Variants in CSMD1 observed in about 807,000 individuals in gnomAD.
CSMD1 encodes the protein CUB and Sushi multiple domains 1, also known as CUB and sushi domain-containing protein 1.
A neutral mutation model predicts 417.5 loss-of-function variants in CSMD1; 213 were observed. The ratio of observed to expected loss-of-function variants is 0.51; its 90% CI spans 0.46 to 0.57. CSMD1 has a LOEUF of 0.57. Ranked by LOEUF, CSMD1 falls within the 20% of genes least tolerant of loss-of-function variation. The pLI, the probability that CSMD1 is intolerant of heterozygous loss-of-function variation, is 0.00. For missense variants in CSMD1, 6,923 were observed against 4,529.7 expected, an observed-to-expected ratio of 1.53 and a Z score of -15.17; for synonymous variants, 2,862 against 1,736.8, an observed-to-expected ratio of 1.65 and a Z score of -16.11.
In CSMD1 at chr8:4,724,455, C is replaced by T. The variant is rs551061195; in HGVS notation, c.86-86897G>A. ...ATAACAGATTCAAATATAATATTTA[C>T]ATTACTTATAAGTAGCTGGGAGTTC... On this transcript the variant is annotated intron_variant, in intron 1 of 69. Coordinates refer to ENST00000635120, the MANE Select transcript of CSMD1 (RefSeq NM_033225.6). 1.5e-3 allele frequency among the ~76,000 whole-genome samples: 222 copies of T among 151,470 alleles called. 7 individuals carry two copies. The South Asian group carries it at 0.04, about 27-fold the overall frequency.
In CSMD1 at chr8:2,938,330, T is replaced by G. The variant is rs972198384; in HGVS notation, c.*255A>C. On this transcript the variant is annotated 3_prime_UTR_variant, in exon 70 of 70. Transcript: ENST00000635120. ...GCGCGACGTGGCAGTCTTCCTGGAG[T>G]GTGCCTTGATTTCATACAGATGCAG... The G allele has an allele frequency of 7.2e-6, 3 of 416,084 alleles. No homozygotes were observed. Among genetic ancestry groups the G allele is most frequent in the Non-Finnish European group, 1.3e-5 (3 of 235,144 alleles). 25.8% of individuals were successfully genotyped at this position (416,084 alleles called of 1,614,324 possible).
chr8:3,690,897 A>T (rs904770585), intron 7 of CSMD1, among the ~76,000 whole-genome samples: 2 of 152,244 alleles, frequency 1.3e-5, no homozygotes, highest in African/African-American at 4.8e-5. Context: ...TAAATAAATT[A>T]AATAACAACA....
intron 7 of CSMD1, among the ~76,000 whole-genome samples, chr8:3,619,716 C>A (rs1264204428): frequency 6.6e-6 from 1 of 151,334 alleles, no homozygotes; most frequent in Non-Finnish European, 1.5e-5. Flanking sequence ...AAAGCAAGTC[C>A]TCATAAACAA....
chr8:4,896,943 C>A (rs577059962), intron 1 of CSMD1, among the ~76,000 whole-genome samples: 1 of 152,154 alleles, frequency 6.6e-6, no homozygotes, highest in Non-Finnish European at 1.5e-5. Context: ...CCTGGGCAAA[C>A]CCAAGGAAGG....
At chr8:3,265,141 T>C (rs1324250054) in intron 26 of CSMD1, among the ~76,000 whole-genome samples, 2 of 152,074 alleles carry the variant, frequency 1.3e-5, no homozygotes, top group African/African-American at 2.4e-5. Flanking sequence ...AGCAGAGATA[T>C]TAAAAATATT....
At chr8:3,545,609 G>T (rs777481045) in intron 10 of CSMD1, among the ~76,000 whole-genome samples, 7 of 152,160 alleles carry the variant, frequency 4.6e-5, no homozygotes, top group African/African-American at 1.7e-4. Context: ...GCTCTCCACT[G>T]CCGTAACCCA....
chr8:3,788,345 G>A (rs186730363), intron 5 of CSMD1, among the ~76,000 whole-genome samples: 1 of 152,118 alleles, frequency 6.6e-6, no homozygotes, highest in Non-Finnish European at 1.5e-5. Flanking sequence ...GGTACCCTGA[G>A]GTGTGCAGCC....
At chr8:3,530,804 C>G (rs1408791018) in intron 10 of CSMD1, among the ~76,000 whole-genome samples, 1 of 151,780 alleles carries the variant, frequency 6.6e-6, no homozygotes, top group African/African-American at 2.4e-5. Context: ...GCTACTATTA[C>G]AGGCATGAGC....
Position 3,421,934 on chromosome 8 carries a change from G to A in CSMD1, c.1562-12329C>T, listed in dbSNP as rs376718494. Among the ~76,000 whole-genome samples, 340 of 146,876 alleles carry A rather than the reference G, an allele frequency of 2.3e-3. 1 individual carries two copies. Among genetic ancestry groups the A allele is most frequent in the Middle Eastern group, 0.015 (4 of 274 alleles). On this transcript the variant is annotated intron_variant, in intron 12 of 69. Transcript: ENST00000635120. Reference sequence around the variant, plus strand: ...ATTACAGGCGTGAGCCACGGCGCCCGGCCCCACAGATGGCTTAGAGTATTA... The same window carrying A: ...ATTACAGGCGTGAGCCACGGCGCCCAGCCCCACAGATGGCTTAGAGTATTA...
At chr8:4,611,602 ACT>A (rs970434913) in intron 2 of CSMD1, among the ~76,000 whole-genome samples, 1 of 152,014 alleles carries the variant, frequency 6.6e-6, no homozygotes, top group African/African-American at 2.4e-5. Flanking sequence ...AGAAGATGAA[ACT>A]CTCTTTCTCT....
chr8:4,876,894 C>G (rs1803076669), intron 1 of CSMD1, among the ~76,000 whole-genome samples: 1 of 151,978 alleles, frequency 6.6e-6, no homozygotes, highest in Admixed American at 6.6e-5. Context: ...GCAAAGAACA[C>G]ATTGATTCAA....
At position 4,151,352 on chromosome 8, in the gene CSMD1, G is replaced by A. The variant is rs185527468; in HGVS notation, c.416-119253C>T. 5.3e-5 allele frequency among the ~76,000 whole-genome samples: 8 copies of A among 152,284 alleles called. No homozygotes were observed. In the East Asian group the frequency reaches 1.5e-3, roughly 29 times the overall value. ...AAGAGATAAATCACTTATTTACAGT[G>A]AGACATTAACTACAATTCAGTTTCT... On this transcript the variant is annotated intron_variant, in intron 3 of 69. Coordinates refer to ENST00000635120, the MANE Select transcript of CSMD1 (RefSeq NM_033225.6).
chr8:4,960,366 A>G (rs1051556380), intron 1 of CSMD1, among the ~76,000 whole-genome samples: 2 of 152,214 alleles, frequency 1.3e-5, no homozygotes, highest in Non-Finnish European at 2.9e-5. Flanking sequence ...AAATATCACT[A>G]TGATGATGTA....
chr8:3,906,431 T>A (rs981463341), intron 5 of CSMD1, among the ~76,000 whole-genome samples: 1 of 152,184 alleles, frequency 6.6e-6, no homozygotes, highest in Non-Finnish European at 1.5e-5. Context: ...TATAGTAATG[T>A]TTAATGCCTT....
At chr8:4,632,981 T>G (rs116073371) in intron 2 of CSMD1, among the ~76,000 whole-genome samples, 1,545 of 152,224 alleles carry the variant, frequency 0.01, 17 homozygotes, top group Middle Eastern at 0.048. Flanking sequence ...AGAATGCAGT[T>G]TGGAGTCCGA....
At chr8:4,712,097 C>T (rs1288592614) in intron 1 of CSMD1, among the ~76,000 whole-genome samples, 4 of 152,260 alleles carry the variant, frequency 2.6e-5, no homozygotes, top group East Asian at 1.9e-4. Flanking sequence ...TTAGGCAATG[C>T]CCCTGGAAGT....
rs143488487 is a variant in CSMD1 at position 3,420,860 on chromosome 8, A to T, written c.1562-11255T>A. 9.0e-3 allele frequency among the ~76,000 whole-genome samples: 1,367 copies of T among 152,214 alleles called. 23 individuals are homozygous for T. Among genetic ancestry groups the T allele is most frequent in the African/African-American group, 0.03 (1,259 of 41,542 alleles). On this transcript the variant is annotated intron_variant, in intron 12 of 69. Coordinates refer to ENST00000635120, the MANE Select transcript of CSMD1 (RefSeq NM_033225.6). The stretch of plus-strand genomic sequence containing the variant: ...TTGTTCACGCTCCAATATATTAAAA[A>T]TAATAAGTAAAATGCTTCCCATGAT...
chr8:3,646,623 G>A (rs1797583958), intron 7 of CSMD1, among the ~76,000 whole-genome samples: 2 of 152,192 alleles, frequency 1.3e-5, no homozygotes, highest in Non-Finnish European at 2.9e-5. Flanking sequence ...CTAAAAATGA[G>A]TAACTTTCTT....
chr8:3,904,707 G>A (rs566013587), intron 5 of CSMD1, among the ~76,000 whole-genome samples: 1 of 146,062 alleles, frequency 6.8e-6, no homozygotes, highest in Non-Finnish European at 1.5e-5. Context: ...TGCTATCTCA[G>A]CTCACAGCAA....
Sources: allele counts gnomAD v4.1 joint callset (sites outside exome capture counted in the v4.1 genomes callset), GRCh38; gene constraint gnomAD v4.1.1; transcripts MANE v1.5; gene names NCBI Gene and HGNC (gene_info 2026-07-23, HGNC 2026-07-21).